The following PDZRN4 variants were observed in gnomAD, a reference collection of about 807,000 sequenced individuals.
The protein encoded by PDZRN4 is PDZ domain-containing RING finger protein 4.
PDZRN4 carries 70 observed loss-of-function variants against 99.0 expected under a neutral mutation model. The observed-to-expected ratio is 0.71, with a 90% CI of 0.58 to 0.86. The LOEUF (loss-of-function observed/expected upper bound fraction) is 0.86. PDZRN4 is among the 40% of genes least tolerant of loss of function. PDZRN4 has a pLI of 0.00. For missense variants in PDZRN4, 1,474 were observed against 1,331.2 expected (o/e 1.11, Z -1.67); for synonymous variants, 551 against 501.6 (o/e 1.10, Z -1.32).
intron 3 of PDZRN4, among the ~76,000 whole-genome samples, chr12:41,360,054 A>G (rs1249667860): frequency 6.6e-6 from 1 of 152,020 alleles, no homozygotes; most frequent in Non-Finnish European, 1.5e-5. Context: ...ATCCAATGTG[A>G]CAATTATAAT....
intron 3 of PDZRN4, among the ~76,000 whole-genome samples, chr12:41,243,126 T>C (rs1400850056): frequency 1.3e-5 from 2 of 152,234 alleles, no homozygotes; most frequent in Non-Finnish European, 2.9e-5. Context: ...AGTTTTCCCC[T>C]ATGAAATGGA....
chr12:41,278,233 C>T (rs1046962413), intron 3 of PDZRN4, among the ~76,000 whole-genome samples: 1 of 152,154 alleles, frequency 6.6e-6, no homozygotes, highest in Non-Finnish European at 1.5e-5. Flanking sequence ...ATCCTCCAAG[C>T]TAAGTCTTAT....
At chr12:41,263,007 T>C (rs1444913051) in intron 3 of PDZRN4, among the ~76,000 whole-genome samples, 8 of 152,022 alleles carry the variant, frequency 5.3e-5, no homozygotes, top group African/African-American at 1.7e-4. Context: ...ACATAGTATA[T>C]ACTATTTAAT....
intron 3 of PDZRN4, among the ~76,000 whole-genome samples, chr12:41,283,502 C>G (rs1257877413): frequency 1.3e-5 from 2 of 152,186 alleles, no homozygotes; most frequent in East Asian, 3.9e-4. Context: ...TCCTCCCTAA[C>G]TCATTTGATG....
chr12:41,317,106 A>G (rs1951644397), intron 3 of PDZRN4, among the ~76,000 whole-genome samples: 2 of 113,028 alleles, frequency 1.8e-5, no homozygotes, highest in African/African-American at 2.7e-5. Flanking sequence ...AGAATTATCT[A>G]TGTGGTATAC....
intron 3 of PDZRN4, among the ~76,000 whole-genome samples, chr12:41,311,187 A>C (rs1043179041): frequency 1.3e-5 from 2 of 152,092 alleles, no homozygotes; most frequent in Non-Finnish European, 2.9e-5. Context: ...ATATAGATTC[A>C]TTTGGTTTTA....
At chr12:41,478,288 G>A (rs1592076791) in intron 3 of PDZRN4, among the ~76,000 whole-genome samples, 1 of 151,842 alleles carries the variant, frequency 6.6e-6, no homozygotes, top group African/African-American at 2.4e-5. Context: ...GCTAATTTTT[G>A]TATTTTTAGT....
At chr12:41,210,380 T>C (rs1341780927) in intron 3 of PDZRN4, among the ~76,000 whole-genome samples, 1 of 152,012 alleles carries the variant, frequency 6.6e-6, no homozygotes, top group Admixed American at 6.6e-5. Flanking sequence ...TTATGGCTTT[T>C]GTTGGTCAAT....
At chr12:41,514,535 G>A (rs1300460546) in intron 5 of PDZRN4, among the ~76,000 whole-genome samples, 2 of 152,052 alleles carry the variant, frequency 1.3e-5, no homozygotes, top group Admixed American at 6.6e-5. Flanking sequence ...CATGATGCAT[G>A]TATAGAGCTA....
chr12:41,280,030 G>C (rs1380965687), intron 3 of PDZRN4, among the ~76,000 whole-genome samples: 3 of 152,130 alleles, frequency 2.0e-5, no homozygotes, highest in Admixed American at 1.3e-4. Flanking sequence ...TTCTCATTGG[G>C]ACTGGTTAGA....
At chr12:41,199,168 A>T (rs1166899607) in intron 3 of PDZRN4, among the ~76,000 whole-genome samples, 1 of 152,158 alleles carries the variant, frequency 6.6e-6, no homozygotes, top group Non-Finnish European at 1.5e-5. Context: ...TAATTTTTTG[A>T]TGCATAAGAA....
chr12:41,404,112 G>A (rs1270665242), intron 3 of PDZRN4, among the ~76,000 whole-genome samples: 1 of 151,980 alleles, frequency 6.6e-6, no homozygotes, highest in Admixed American at 6.6e-5. Flanking sequence ...CAATGTAAAT[G>A]ATATATACAT....
chr12:41,293,050 GGC>G (rs1951466314), intron 3 of PDZRN4, among the ~76,000 whole-genome samples: 1 of 151,252 alleles, frequency 6.6e-6, no homozygotes, highest in South Asian at 2.1e-4. Context: ...ACTCTGGGTA[GGC>G]TGGAAGTGAA....
At position 41,559,196 on chromosome 12, in the gene PDZRN4, CA is replaced by C. The variant is rs1193252092; in HGVS notation, c.1365+3437del. Among the ~76,000 whole-genome samples the C allele has an allele frequency of 8.5e-5, 13 of 152,150 alleles. No individual in the cohort carries two copies. The East Asian group carries it at 1.7e-3, about 20-fold the overall frequency. ...ACACACACATACATACACACACACA[CA>C]CACACACACGTGCTGTCACACAAAG... On this transcript the variant is annotated intron_variant, in intron 7 of 9. Coordinates refer to ENST00000402685, the MANE Select transcript of PDZRN4 (RefSeq NM_001164595.2).
intron 3 of PDZRN4, among the ~76,000 whole-genome samples, chr12:41,486,834 C>T (rs1157075963): frequency 6.6e-6 from 1 of 152,186 alleles, no homozygotes; most frequent in East Asian, 1.9e-4. Context: ...TCACCCTCCT[C>T]TGCTCTCTCT....
In PDZRN4 at chr12:41,542,295, C is replaced by G. The variant is rs1428545544; in HGVS notation, c.1204-10361C>G. Among the ~76,000 whole-genome samples the G allele has an allele frequency of 3.3e-5, 5 of 152,314 alleles. No homozygotes were observed. The East Asian group carries it at 9.6e-4, about 29-fold the overall frequency. ...GACATTACAATAGGGATTTGAGCCT[C>G]TCCAAGAATGGACAGTACTCTTCTA... is the stretch of plus-strand genomic sequence containing the variant. On this transcript the variant is annotated intron_variant, in intron 5 of 9. Coordinates refer to ENST00000402685, the MANE Select transcript of PDZRN4 (RefSeq NM_001164595.2).
chr12:41,316,456 A>ATTGTG (rs1491539067), intron 3 of PDZRN4, among the ~76,000 whole-genome samples: 1 of 144,428 alleles, frequency 6.9e-6, no homozygotes, highest in African/African-American at 2.6e-5. Context: ...AAAAAGGCAA[A>ATTGTG]TGTGTGTGTG....
intron 5 of PDZRN4, among the ~76,000 whole-genome samples, chr12:41,538,660 A>C (rs1018867385): frequency 2.6e-5 from 4 of 152,156 alleles, no homozygotes; most frequent in Non-Finnish European, 5.9e-5. Context: ...TTGTTGGGCA[A>C]AAAAATTAAA....
At chr12:41,324,645 G>C (rs1360374891) in intron 3 of PDZRN4, among the ~76,000 whole-genome samples, 1 of 151,982 alleles carries the variant, frequency 6.6e-6, no homozygotes, top group Admixed American at 6.6e-5. Context: ...ATCCAGATAG[G>C]TATTAGGTTG....
Sources: gnomAD v4.1 joint callset for allele counts (sites outside exome capture counted in the v4.1 genomes callset) on GRCh38, gnomAD v4.1.1 for gene constraint, MANE v1.5 for transcripts, NCBI Gene and HGNC (gene_info 2026-07-23, HGNC 2026-07-21) for gene names.